Variants in IFT52 observed in about 807,000 individuals in gnomAD.
The protein encoded by IFT52 is intraflagellar transport 52, also known as intraflagellar transport protein 52 homolog.
Under a neutral mutation model 54.4 loss-of-function variants are expected in IFT52, and 44 were observed. The observed-to-expected ratio is 0.81, with a 90% confidence interval of 0.63 to 1.04. The LOEUF is 1.04. Among genes scored for constraint, IFT52 ranks in the 50% least tolerant of loss-of-function variants. The probability of loss-of-function intolerance (pLI) is 0.00; values close to 1 mark genes in which losing one functional copy is unlikely to be tolerated. For missense variants in IFT52, 452 were observed against 523.6 expected (o/e 0.86, Z 1.33); for synonymous variants, 181 against 185.3 (o/e 0.98, Z 0.19).
intron 8 of IFT52, among the ~76,000 whole-genome samples, chr20:43,620,344 A>C (rs532070658): frequency 4.8e-4 from 73 of 152,308 alleles, no homozygotes; most frequent in African/African-American, 1.7e-3. Context: ...TTAAAGATAC[A>C]TTATAAATTT....
chr20:43,616,559 A>G (rs961040412), intron 7 of IFT52, among the ~76,000 whole-genome samples: 4 of 151,962 alleles, frequency 2.6e-5, no homozygotes, highest in African/African-American at 4.8e-5. Context: ...ATAATTGTAG[A>G]AAAAATGAAC....
intron 8 of IFT52, among the ~76,000 whole-genome samples, chr20:43,619,805 G>A (rs970419265): frequency 1.3e-5 from 2 of 151,602 alleles, no homozygotes; most frequent in Middle Eastern, 3.4e-3. Context: ...AGAAAGAAAC[G>A]CCTTATAATT....
At chr20:43,616,070 CTT>C (rs1983836485) in intron 7 of IFT52, among the ~76,000 whole-genome samples, 1 of 152,118 alleles carries the variant, frequency 6.6e-6, no homozygotes, top group Non-Finnish European at 1.5e-5. Flanking sequence ...ATTTATGTCT[CTT>C]GACATCTCTG....
chr20:43,606,161 C>T (rs998928915), intron 6 of IFT52, among the ~76,000 whole-genome samples: 5 of 150,676 alleles, frequency 3.3e-5, no homozygotes, highest in African/African-American at 1.2e-4. Context: ...GTGGAGGTTG[C>T]ATTGAGCTGC....
chr20:43,603,642 A>T, intron 3 of IFT52, 118 bp from the exon 4 acceptor site: 1 of 886,110 alleles, frequency 1.1e-6, no homozygotes, highest in East Asian at 2.6e-5. Flanking sequence ...ATACATTTAT[A>T]TGTAAATGCC....
intron 10 of IFT52, among the ~76,000 whole-genome samples, chr20:43,632,225 T>A (rs1293890606): frequency 7.0e-6 from 1 of 143,828 alleles, no homozygotes; most frequent in African/African-American, 2.6e-5. Flanking sequence ...GCGCCCAGCC[T>A]ATTTGTCTTC....
intron 8 of IFT52, among the ~76,000 whole-genome samples, chr20:43,620,217 A>G (rs1182058658): frequency 6.6e-6 from 1 of 152,028 alleles, no homozygotes; most frequent in Non-Finnish European, 1.5e-5. Flanking sequence ...CTCCCGGCCT[A>G]GGTATTCTTC....
intron 7 of IFT52, among the ~76,000 whole-genome samples, chr20:43,614,987 T>A (rs973966927): frequency 1.3e-5 from 2 of 151,986 alleles, no homozygotes; most frequent in Admixed American, 1.3e-4. Flanking sequence ...TTTTGTATTT[T>A]TGGGAGAGAT....
At chr20:43,638,486 C>T (rs1042994473) in intron 12 of IFT52, among the ~76,000 whole-genome samples, 3 of 152,156 alleles carry the variant, frequency 2.0e-5, no homozygotes, top group African/African-American at 7.2e-5. Flanking sequence ...CCACCACGTC[C>T]GGCCAACTTC....
At chr20:43,627,059 C>T (rs996453376) in intron 10 of IFT52, among the ~76,000 whole-genome samples, 1 of 151,664 alleles carries the variant, frequency 6.6e-6, no homozygotes, top group African/African-American at 2.4e-5. Context: ...CCCAGCTACT[C>T]GGGAGGGTAA....
At chr20:43,614,814 T>C (rs1983735149) in intron 7 of IFT52, among the ~76,000 whole-genome samples, 1 of 150,436 alleles carries the variant, frequency 6.6e-6, no homozygotes, top group Admixed American at 6.6e-5. Context: ...TTTTTCTTTT[T>C]TTTTTTTTTT....
chr20:43,605,966 A>G (rs2145603148), intron 6 of IFT52, among the ~76,000 whole-genome samples: 1 of 152,228 alleles, frequency 6.6e-6, no homozygotes, highest in Admixed American at 6.5e-5. Flanking sequence ...CACTCCTGTA[A>G]TTGCAGCACT....
At chr20:43,612,830 C>G (rs924060832) in intron 6 of IFT52, among the ~76,000 whole-genome samples, 1 of 152,100 alleles carries the variant, frequency 6.6e-6, no homozygotes, top group Non-Finnish European at 1.5e-5. Flanking sequence ...CCCTATACCC[C>G]CTCCCCCAGT....
At chr20:43,638,294 G>A (rs899767376) in intron 12 of IFT52, among the ~76,000 whole-genome samples, 1 of 151,840 alleles carries the variant, frequency 6.6e-6, no homozygotes, top group African/African-American at 2.4e-5. Flanking sequence ...GAGTTCAAGC[G>A]ATTCTCCTGC....
chr20:43,624,402 G>C (rs1984572346), intron 10 of IFT52, among the ~76,000 whole-genome samples: 1 of 152,084 alleles, frequency 6.6e-6, no homozygotes, highest in Non-Finnish European at 1.5e-5. Flanking sequence ...TTTCTCTCTG[G>C]GTATCTGGGC....
intron 6 of IFT52, among the ~76,000 whole-genome samples, chr20:43,610,750 A>G (rs1398539099): frequency 6.9e-6 from 1 of 144,094 alleles, no homozygotes; most frequent in Admixed American, 6.9e-5. Flanking sequence ...AAAAAAAAAG[A>G]AAAAAAAAAA....
chr20:43,618,773 G>A (rs1274120553), intron 7 of IFT52, among the ~76,000 whole-genome samples, 167 bp from the exon 8 acceptor site: 1 of 152,052 alleles, frequency 6.6e-6, no homozygotes, highest in Non-Finnish European at 1.5e-5. Context: ...CTGATCCACT[G>A]CGCCTGGCCT....
intron 10 of IFT52, among the ~76,000 whole-genome samples, chr20:43,627,920 GAGTT>G (rs1382568819): frequency 3.4e-5 from 2 of 58,208 alleles, no homozygotes; most frequent in Admixed American, 3.0e-4. Context: ...GAGAGAGAGA[GAGTT>G]TTTTTTTTTT....
chr20:43,599,955 C>T (rs1249538923), intron 3 of IFT52, among the ~76,000 whole-genome samples: 6 of 152,116 alleles, frequency 3.9e-5, no homozygotes, highest in Non-Finnish European at 5.9e-5. Flanking sequence ...ATCTAACCCA[C>T]CACCATTAAA....
Sources: allele counts gnomAD v4.1 joint callset (sites outside exome capture counted in the v4.1 genomes callset), GRCh38; gene constraint gnomAD v4.1.1; transcripts MANE v1.5; gene names NCBI Gene and HGNC (gene_info 2026-07-23, HGNC 2026-07-21).